CTNNA3: variants seen among roughly 807,000 people sequenced by gnomAD.
CTNNA3 encodes catenin alpha-3.
A neutral mutation model predicts 95.7 loss-of-function variants in CTNNA3; 76 were observed. That is an observed-to-expected ratio of 0.79 (90% CI 0.66 to 0.96). The LOEUF (loss-of-function observed/expected upper bound fraction) is 0.96. Among genes scored for constraint, CTNNA3 ranks in the 40% least tolerant of loss-of-function variants. The pLI, the probability that CTNNA3 is intolerant of heterozygous loss-of-function variation, is 0.00. For synonymous variants in CTNNA3, 431 were observed against 374.4 expected, an observed-to-expected ratio of 1.15 and a Z score of -1.74; for missense variants, 1,191 against 1,089.8, an observed-to-expected ratio of 1.09 and a Z score of -1.31.
chr10:65,921,149 TA>T (rs2077080140), intron 17 of CTNNA3, among the ~76,000 whole-genome samples: 1 of 152,226 alleles, frequency 6.6e-6, no homozygotes, highest in Non-Finnish European at 1.5e-5. Flanking sequence ...GGACCAATTC[TA>T]CAAATGTTTA....
intron 7 of CTNNA3, among the ~76,000 whole-genome samples, chr10:67,178,746 A>G (rs1264477584): frequency 1.2e-4 from 18 of 152,150 alleles, no homozygotes; most frequent in Admixed American, 1.2e-3. Flanking sequence ...GTAAAGAGGA[A>G]AATAATAATT....
chr10:66,222,176 C>G (rs1311361663), intron 13 of CTNNA3, among the ~76,000 whole-genome samples: 1 of 152,092 alleles, frequency 6.6e-6, no homozygotes, highest in Admixed American at 6.6e-5. Flanking sequence ...TCTGTTAACT[C>G]TCTTAGTCTG....
intron 2 of CTNNA3, among the ~76,000 whole-genome samples, chr10:67,635,961 C>A (rs1422886032): frequency 6.6e-6 from 1 of 152,186 alleles, no homozygotes; most frequent in Non-Finnish European, 1.5e-5. Flanking sequence ...TAAGCAACTT[C>A]AGCAAAGTCT....
chr10:66,616,936 A>G (rs1297234041), intron 10 of CTNNA3, among the ~76,000 whole-genome samples: 2 of 151,992 alleles, frequency 1.3e-5, no homozygotes, highest in Non-Finnish European at 2.9e-5. Flanking sequence ...AAATATCAAG[A>G]AGCTGTTGCC....
intron 11 of CTNNA3, among the ~76,000 whole-genome samples, chr10:66,489,528 G>C (rs1297603588): frequency 6.6e-6 from 1 of 151,994 alleles, no homozygotes; most frequent in Non-Finnish European, 1.5e-5. Context: ...TCTTCCTCTT[G>C]ATACTCCCCA....
At chr10:67,330,000 C>A (rs765155946) in intron 5 of CTNNA3, among the ~76,000 whole-genome samples, 14 of 152,192 alleles carry the variant, frequency 9.2e-5, no homozygotes, top group Admixed American at 3.3e-4. Flanking sequence ...ACATTCCAGG[C>A]AGCAGGATAG....
At chr10:66,252,298 T>C (rs1016866380) in intron 13 of CTNNA3, among the ~76,000 whole-genome samples, 2 of 152,220 alleles carry the variant, frequency 1.3e-5, no homozygotes, top group Middle Eastern at 3.2e-3. Flanking sequence ...TCAAGTTTAT[T>C]TGCCTAGGCA....
chr10:67,460,446 G>A (rs1382302907), intron 5 of CTNNA3, among the ~76,000 whole-genome samples: 3 of 152,122 alleles, frequency 2.0e-5, no homozygotes, highest in Admixed American at 6.6e-5. Context: ...TTGCCCAAGT[G>A]ATTTTTTGTA....
intron 5 of CTNNA3, among the ~76,000 whole-genome samples, chr10:67,512,604 G>A (rs962500266): frequency 6.6e-6 from 1 of 151,898 alleles, no homozygotes; most frequent in African/African-American, 2.4e-5. Context: ...TATTGTTTGT[G>A]TATCCACGAT....
At chr10:67,135,783 C>T (rs541007380) in intron 7 of CTNNA3, among the ~76,000 whole-genome samples, 1 of 152,250 alleles carries the variant, frequency 6.6e-6, no homozygotes, top group African/African-American at 2.4e-5. Flanking sequence ...AAATCTCACA[C>T]TAGTCTCAAT....
intron 5 of CTNNA3, among the ~76,000 whole-genome samples, chr10:67,492,280 G>C (rs1223590532): frequency 6.6e-6 from 1 of 152,052 alleles, no homozygotes; most frequent in East Asian, 1.9e-4. Context: ...CAGGAAAAAA[G>C]AACAGTTGAA....
At chr10:66,078,416 T>C (rs944449785) in intron 14 of CTNNA3, among the ~76,000 whole-genome samples, 2 of 151,912 alleles carry the variant, frequency 1.3e-5, no homozygotes, top group Non-Finnish European at 2.9e-5. Flanking sequence ...TTTCAGTATA[T>C]CATCGTCTCT....
At chr10:66,446,804 A>G (rs2093425546) in intron 11 of CTNNA3, among the ~76,000 whole-genome samples, 1 of 152,084 alleles carries the variant, frequency 6.6e-6, no homozygotes, top group African/African-American at 2.4e-5. Flanking sequence ...TATTCAACAT[A>G]GTGTTGGAAG....
intron 5 of CTNNA3, among the ~76,000 whole-genome samples, chr10:67,388,773 A>C (rs2132759908): frequency 6.6e-6 from 1 of 152,270 alleles, no homozygotes; most frequent in Middle Eastern, 3.4e-3. Flanking sequence ...CTTAAAGAAA[A>C]GAATTTTCAA....
chr10:67,374,530 C>A (rs1843617899), intron 5 of CTNNA3, among the ~76,000 whole-genome samples: 1 of 152,152 alleles, frequency 6.6e-6, no homozygotes, highest in Admixed American at 6.5e-5. Flanking sequence ...AGATTTACTT[C>A]TTTTATATTG....
At chr10:67,099,804 T>A (rs1858234809) in intron 7 of CTNNA3, 1 of 151,984 alleles carries the variant, frequency 6.6e-6, no homozygotes, top group Admixed American at 6.6e-5. Flanking sequence ...AAATCTAATT[T>A]TAATCTTTAT....
intron 15 of CTNNA3, among the ~76,000 whole-genome samples, chr10:66,063,626 C>G (rs1216265088): frequency 2.0e-5 from 3 of 151,794 alleles, no homozygotes; most frequent in Non-Finnish European, 2.9e-5. Context: ...AGTAAGCTTA[C>G]TAAATCTAAA....
At chr10:67,588,734 T>A (rs1368339829) in intron 3 of CTNNA3, among the ~76,000 whole-genome samples, 3 of 152,128 alleles carry the variant, frequency 2.0e-5, no homozygotes, top group African/African-American at 7.2e-5. Context: ...TATCCACTTA[T>A]AAGTTAAGGA....
At position 67,278,500 on chromosome 10, in the gene CTNNA3, T is replaced by A. The variant is rs577175621; in HGVS notation, c.580-58630A>T. On this transcript the variant is annotated intron_variant, in intron 5 of 17. Coordinates refer to ENST00000433211, the MANE Select transcript of CTNNA3 (RefSeq NM_013266.4). The stretch of plus-strand genomic sequence containing the variant: ...ATTTTCTGGTTGAAAATTAGTTGAG[T>A]TTATCTGAAGACTGGGGATCAGTGG... Among the ~76,000 whole-genome samples, 15 of 152,254 alleles carry A rather than the reference T, an allele frequency of 9.9e-5. No homozygotes were observed. In the South Asian group the frequency reaches 2.1e-3, roughly 21 times the overall value.
Sources: allele counts gnomAD v4.1 joint callset (sites outside exome capture counted in the v4.1 genomes callset), GRCh38; gene constraint gnomAD v4.1.1; transcripts MANE v1.5; gene names NCBI Gene and HGNC (gene_info 2026-07-23, HGNC 2026-07-21).